BRINP1: variants seen among roughly 807,000 people sequenced by gnomAD.
BRINP1 encodes the protein BMP/retinoic acid-inducible neural-specific protein 1.
In BRINP1, 17 loss-of-function variants were observed where a neutral mutation model predicts 72.9. That is an observed-to-expected ratio of 0.23 (90% CI 0.16 to 0.35). The LOEUF (loss-of-function observed/expected upper bound fraction) is 0.35. Ranked by LOEUF, BRINP1 falls within the 10% of genes least tolerant of loss-of-function variation. The pLI is 1.00. For missense variants in BRINP1, 850 were observed against 1,001.6 expected, an observed-to-expected ratio of 0.85 and a Z score of 2.04; for synonymous variants, 418 against 378.5, an observed-to-expected ratio of 1.10 and a Z score of -1.21.
chr9:119,291,122 CAAA>C (rs66505860), intron 2 of BRINP1, among the ~76,000 whole-genome samples: 5 of 121,104 alleles, frequency 4.1e-5, no homozygotes, highest in Non-Finnish European at 3.5e-5. Context: ...AACTCCATCT[CAAA>C]AAAAAAAAAA....
At chr9:119,276,724 C>T (rs560920329) in intron 2 of BRINP1, among the ~76,000 whole-genome samples, 15 of 152,276 alleles carry the variant, frequency 9.9e-5, no homozygotes, top group Admixed American at 2.6e-4. Context: ...CTGGGTCAAA[C>T]GATTTGCCCA....
intron 1 of BRINP1, among the ~76,000 whole-genome samples, chr9:119,356,009 A>T (rs1211290612): frequency 6.6e-6 from 1 of 152,204 alleles, no homozygotes; most frequent in African/African-American, 2.4e-5. Context: ...AGAGACAGAA[A>T]TAGAGATAGA....
intron 2 of BRINP1, among the ~76,000 whole-genome samples, chr9:119,250,191 C>T (rs1830371717): frequency 6.6e-6 from 1 of 151,904 alleles, no homozygotes; most frequent in African/African-American, 2.4e-5. Flanking sequence ...TAGACAGGAC[C>T]TAAGGCACAA....
Position 119,313,297 on chromosome 9 carries a change from A to C in BRINP1, c.59T>G (p.Val20Gly), listed in dbSNP as rs753325232. The C allele has an allele frequency of 1.3e-5, 21 of 1,614,026 alleles. No homozygotes were observed. The Admixed American group carries it at 3.5e-4, about 27-fold the overall frequency. The change falls in exon 2 of 8, where the codon GTG becomes GGG. Residue 20 changes from valine (V) to glycine (G), a missense_variant. Val to Gly is a moderately radical substitution (Grantham distance 109). Coordinates refer to ENST00000265922, the MANE Select transcript of BRINP1 (RefSeq NM_014618.3). ...YFLFIWGRIS[V>G]QPSHQEPAGT... ...AGCTGGTTCCTGGTGGGAGGGCTGC[A>C]CTGAGATACGGCCCCATATAAACAG...
rs191228093 is a variant in BRINP1 at position 119,245,672 on chromosome 9, T to C, written c.409+3288A>G. Among the ~76,000 whole-genome samples, 612 of 152,310 alleles carry C rather than the reference T, an allele frequency of 4.0e-3. 5 individuals carry two copies. The highest frequency in any genetic ancestry group is 5.6e-3 in the Non-Finnish European group (379 of 68,030). ...CCATTCCCATAGCCTTCCCTTCCTC[T>C]TTCCTCTTCCTAAAGAGTGAAACAA... On this transcript the variant is annotated intron_variant, in intron 3 of 7. Transcript: ENST00000265922.
chr9:119,261,612 CAT>C (rs1465106662), intron 2 of BRINP1, among the ~76,000 whole-genome samples: 1 of 152,202 alleles, frequency 6.6e-6, no homozygotes, highest in Non-Finnish European at 1.5e-5. Flanking sequence ...TGTCTCCACA[CAT>C]GACTACCATT....
At chr9:119,311,494 G>A (rs1341318160) in intron 2 of BRINP1, among the ~76,000 whole-genome samples, 3 of 151,826 alleles carry the variant, frequency 2.0e-5, no homozygotes, top group Non-Finnish European at 2.9e-5. Flanking sequence ...ATCCTGCCTG[G>A]TCACCTCTTT....
At chr9:119,337,635 T>A (rs2119018672) in intron 1 of BRINP1, among the ~76,000 whole-genome samples, 1 of 152,358 alleles carries the variant, frequency 6.6e-6, no homozygotes, top group East Asian at 1.9e-4. Context: ...GTCTTGCTTT[T>A]GCTTTCTAAC....
intron 1 of BRINP1, among the ~76,000 whole-genome samples, chr9:119,347,005 C>CT (rs960968055): frequency 6.6e-6 from 1 of 152,168 alleles, no homozygotes; most frequent in Non-Finnish European, 1.5e-5. Flanking sequence ...TCACAGATTC[C>CT]TACCTCTTCT....
chr9:119,330,726 C>G (rs764776455), intron 1 of BRINP1, among the ~76,000 whole-genome samples: 1 of 152,130 alleles, frequency 6.6e-6, no homozygotes, highest in Non-Finnish European at 1.5e-5. Context: ...GGCCTGTTTT[C>G]TCTTCTTAAC....
In BRINP1 at chr9:119,169,600, C is replaced by T. The variant is rs1006096282; in HGVS notation, c.1146-1376G>A. 1.8e-4 allele frequency among the ~76,000 whole-genome samples: 28 copies of T among 152,334 alleles called. No individual in the cohort carries two copies. In the East Asian group the frequency reaches 3.7e-3, roughly 20 times the overall value. On this transcript the variant is annotated intron_variant, in intron 7 of 7. Transcript: ENST00000265922. ...GGCTTGATTAGGTAAACAAAGCAGC[C>T]GGGAAGCTCGAACTGGGTGGAGCCC...
intron 2 of BRINP1, among the ~76,000 whole-genome samples, chr9:119,273,530 G>A (rs1188605556): frequency 6.6e-6 from 1 of 152,192 alleles, no homozygotes; most frequent in Non-Finnish European, 1.5e-5. Flanking sequence ...ACTGCATGGA[G>A]TGGGGTTAGG....
intron 1 of BRINP1, among the ~76,000 whole-genome samples, chr9:119,322,566 G>T (rs1831199365): frequency 6.6e-6 from 1 of 152,150 alleles, no homozygotes; most frequent in Non-Finnish European, 1.5e-5. Flanking sequence ...TGGATTGCTG[G>T]GCCATGACCC....
chr9:119,322,203 T>C (rs1831196401), intron 1 of BRINP1, among the ~76,000 whole-genome samples: 1 of 152,222 alleles, frequency 6.6e-6, no homozygotes, highest in Admixed American at 6.5e-5. Flanking sequence ...GGGAATTTCC[T>C]GCCACTGGAG....
intron 7 of BRINP1, among the ~76,000 whole-genome samples, chr9:119,206,684 T>A (rs575834709): frequency 2.0e-5 from 3 of 152,084 alleles, no homozygotes; most frequent in Admixed American, 6.6e-5. Flanking sequence ...ACATATGGGG[T>A]CTGATTGATA....
At chr9:119,179,966 C>T (rs549663622) in intron 7 of BRINP1, among the ~76,000 whole-genome samples, 1 of 152,202 alleles carries the variant, frequency 6.6e-6, no homozygotes, top group African/African-American at 2.4e-5. Flanking sequence ...GTCTCCGTCA[C>T]CCAGGGCTTC....
At chr9:119,227,907 G>A (rs1339467444) in intron 5 of BRINP1, among the ~76,000 whole-genome samples, 1 of 151,948 alleles carries the variant, frequency 6.6e-6, no homozygotes, top group Non-Finnish European at 1.5e-5. Flanking sequence ...ATGGATAAAT[G>A]GGCTAGTGGT....
intron 2 of BRINP1, among the ~76,000 whole-genome samples, chr9:119,262,645 C>CAAAAAA (rs55738449): frequency 6.4e-5 from 4 of 62,978 alleles, no homozygotes; most frequent in African/African-American, 1.2e-4. Context: ...GACTCCAACT[C>CAAAAAA]AAAAAAAAAA....
At chr9:119,236,705 T>C (rs985641705) in intron 5 of BRINP1, among the ~76,000 whole-genome samples, 2 of 152,200 alleles carry the variant, frequency 1.3e-5, no homozygotes, top group African/African-American at 4.8e-5. Context: ...AACTAACACA[T>C]TGAAAACCCT....
Sources: gnomAD v4.1 joint callset for allele counts (sites outside exome capture counted in the v4.1 genomes callset) on GRCh38, gnomAD v4.1.1 for gene constraint, MANE v1.5 for transcripts, NCBI Gene and HGNC (gene_info 2026-07-23, HGNC 2026-07-21) for gene names.